Variants in ACO2 observed in about 807,000 individuals in gnomAD.
ACO2 encodes aconitase 2.
A neutral mutation model predicts 84.5 loss-of-function variants in ACO2; 31 were observed. The ratio of observed to expected loss-of-function variants is 0.37; its 90% CI spans 0.28 to 0.50. The LOEUF (loss-of-function observed/expected upper bound fraction) is 0.50, where lower values mean the gene tolerates loss of function less well. Among genes scored for constraint, ACO2 ranks in the 20% least tolerant of loss-of-function variants. ACO2 has a pLI of 0.97. For missense variants in ACO2, 685 were observed against 1,029.3 expected (o/e 0.67, Z 4.58); for synonymous variants, 414 against 412.7 (o/e 1.00, Z -0.04).
At chr22:41,516,688 T>C (rs1437610912) in intron 6 of ACO2, among the ~76,000 whole-genome samples, 1 of 152,178 alleles carries the variant, frequency 6.6e-6, no homozygotes, top group African/African-American at 2.4e-5. Flanking sequence ...TGTGACGCTT[T>C]GTGGTCCAGA....
chr22:41,477,004 CTG>C lies in ACO2; in HGVS notation c.36+7823_36+7824del, dbSNP rs374155363. Among the ~76,000 whole-genome samples the C allele has an allele frequency of 2.1e-3, 320 of 151,682 alleles. 10 individuals are homozygous for C. The South Asian group carries it at 0.065, about 31-fold the overall frequency. On this transcript the variant is annotated intron_variant, in intron 1 of 17. Transcript: ENST00000216254. ...TCTCTACTAAAATACAAAAAATTAA[CTG>C]GGCATGGTGGCGTGTACCTGTAATC...
chr22:41,497,714 C>T (rs188247331), intron 1 of ACO2, among the ~76,000 whole-genome samples: 1 of 152,178 alleles, frequency 6.6e-6, no homozygotes, highest in Non-Finnish European at 1.5e-5. Flanking sequence ...GAAACTGCAT[C>T]TCTACTAAAA....
In ACO2 at chr22:41,508,057, G is replaced by A. The variant is rs11705367; in HGVS notation, c.432+8G>A. The stretch of plus-strand genomic sequence containing the variant: ...GACCTGCGCCGGGCCAAGGTGAGCA[G>A]AAGGTGGCTTTGGGGGTGGGCAAGT... On this transcript the variant is annotated splice_region_variant and intron_variant, in intron 3 of 17. Transcript: ENST00000216254. The A allele has an allele frequency of 1.2e-6, 2 of 1,604,078 alleles. No individual in the cohort carries two copies. Among genetic ancestry groups the A allele is most frequent in the South Asian group, 2.2e-5 (2 of 90,630 alleles).
At chr22:41,493,719 A>G (rs1233302455) in intron 1 of ACO2, among the ~76,000 whole-genome samples, 2 of 152,078 alleles carry the variant, frequency 1.3e-5, no homozygotes, top group East Asian at 3.8e-4. Flanking sequence ...AGATGTGAGG[A>G]TCTCTTGAGT....
In ACO2 at chr22:41,507,887, G is replaced by T; in HGVS notation, c.270G>T (p.Arg90=). 6.2e-7 allele frequency: 1 copy of T among 1,614,260 alleles called. No individual in the cohort carries two copies. The highest frequency in any genetic ancestry group is 1.1e-5 in the South Asian group (1 of 91,084). The change falls in exon 3 of 18, where the codon CGG becomes CGT. Residue 90 remains arginine, a synonymous_variant. Transcript: ENST00000216254. ...QEIERGKSYL[R]LRPDRVAMQD... is the part of the protein sequence containing the mutation. Reference sequence around the variant, plus strand: ...TTGAGCGAGGCAAGTCGTACCTGCGGCTGCGGCCGGACCGTGTGGCCATGC... The same window carrying T: ...TTGAGCGAGGCAAGTCGTACCTGCGTCTGCGGCCGGACCGTGTGGCCATGC...
intron 2 of ACO2, among the ~76,000 whole-genome samples, chr22:41,504,904 T>G (rs2066381908): frequency 6.6e-6 from 1 of 151,662 alleles, no homozygotes; most frequent in Non-Finnish European, 1.5e-5. Flanking sequence ...TTATGTTTTT[T>G]GTACAGGTGG....
At chr22:41,499,067 C>G (rs555122012) in intron 1 of ACO2, among the ~76,000 whole-genome samples, 1 of 150,638 alleles carries the variant, frequency 6.6e-6, no homozygotes, top group Non-Finnish European at 1.5e-5. Context: ...ACTGCACTCC[C>G]ACCTGGGCGG....
At position 41,508,042 on chromosome 22, in the gene ACO2, G is replaced by A. The variant is rs863223879; in HGVS notation, c.425G>A (p.Arg142Gln). ...AQVGGEKDLR[R>Q]AKDINQEVYN... ...GTTGGGGGCGAGAAAGACCTGCGCC[G>A]GGCCAAGGTGAGCAGAAGGTGGCTT... Residue 142 changes from arginine to glutamine, a missense_variant, in exon 3 of 18, where the codon CGG (arginine) becomes CAG (glutamine). Arg to Gln is a conservative substitution (Grantham distance 43). Around this residue, in one of 5 missense-constraint regions of ACO2, gnomAD observed 92 missense variants for 203.7 expected, o/e 0.45. Coordinates refer to ENST00000216254, the MANE Select transcript of ACO2 (RefSeq NM_001098.3). 7.5e-6 allele frequency: 12 copies of A among 1,608,484 alleles called. No individual in the cohort carries two copies. Among genetic ancestry groups the A allele is most frequent in the East Asian group, 2.2e-5 (1 of 44,708 alleles).
chr22:41,521,234 T>C (rs1384569301), intron 9 of ACO2: 2 of 152,222 alleles, frequency 1.3e-5, no homozygotes, highest in Non-Finnish European at 2.9e-5. Context: ...TGCATAGATT[T>C]TCCCGTTTTA....
rs149591441 is a variant in ACO2, at chr22:41,499,904, C to T, written c.173+42C>T. The T allele has an allele frequency of 4.7e-4, 750 of 1,604,574 alleles. 4 individuals are homozygous for T. The African/African-American group carries it at 4.9e-3, about 11-fold the overall frequency. On this transcript the variant is annotated intron_variant, in intron 2 of 17. Transcript: ENST00000216254. ...GAGGCTGTGACTGTCAAGGGCATTG[C>T]GTCTGCTGCCTGCCCGTCAGGCAGA...
chr22:41,526,721 AAGGGGGCC>A (rs2066605575), intron 15 of ACO2: 1 of 418,238 alleles, frequency 2.4e-6, no homozygotes, highest in Non-Finnish European at 4.3e-6. Context: ...AAAGACAAGG[AAGGGGGCC>A]GACTCAGGAA....
At position 41,527,346 on chromosome 22, in the gene ACO2, G is replaced by A. The variant is rs755024692; in HGVS notation, c.2012G>A (p.Arg671Gln). ...GAGAACTACGGCGAGGGCTCGAGCC[G>A]GGAGCATGCAGCTCTGGAGCCTCGC... is the stretch of plus-strand genomic sequence containing the variant. Reference protein sequence around the residue: ...GDENYGEGSSREHAALEPRHL... With the variant: ...GDENYGEGSSQEHAALEPRHL... Residue 671 changes from arginine (R) to glutamine (Q), a missense_variant, in exon 16 of 18, where the codon CGG (arginine) becomes CAG (glutamine). Physicochemically the swap from Arg to Gln is conservative, Grantham distance 43. This residue lies in a region of ACO2 where 174 missense variants were observed against 236.6 expected (regional missense o/e 0.74). Coordinates refer to ENST00000216254, the MANE Select transcript of ACO2 (RefSeq NM_001098.3). 5.0e-6 allele frequency: 8 copies of A among 1,614,042 alleles called. No individual in the cohort carries two copies. Among genetic ancestry groups the A allele is most frequent in the African/African-American group, 1.3e-5 (1 of 74,934 alleles).
rs148503240 is a variant in ACO2, at chr22:41,488,215, A to G, written c.37-11511A>G. ...CCCATGGTGGTGTTCCCAGTGTCCA[A>G]TGTGGTACAACTAGGCATCCCTCAG... On this transcript the variant is annotated intron_variant, in intron 1 of 17. Coordinates refer to ENST00000216254, the MANE Select transcript of ACO2 (RefSeq NM_001098.3). 1.4e-4 allele frequency among the ~76,000 whole-genome samples: 21 copies of G among 152,280 alleles called. No homozygotes were observed. The South Asian group carries it at 1.5e-3, about 11-fold the overall frequency.
intron 8 of ACO2, among the ~76,000 whole-genome samples, chr22:41,519,700 C>T (rs886469439): frequency 2.0e-5 from 3 of 151,152 alleles, no homozygotes; most frequent in Non-Finnish European, 4.4e-5. Context: ...CCCAGCTACT[C>T]GGGAGGCTGA....
At position 41,528,015 on chromosome 22, in the gene ACO2, C is replaced by G. The variant is rs964305597; in HGVS notation, c.2201C>G (p.Pro734Arg). 1 of 1,614,074 alleles carries G rather than the reference C, an allele frequency of 6.2e-7. No homozygotes were observed. The highest frequency in any genetic ancestry group is 8.5e-7 in the Non-Finnish European group (1 of 1,180,038). ...LTIQGLKDFTPGKPLKCIIKH... is the reference protein window; with the variant it reads ...LTIQGLKDFTRGKPLKCIIKH... ...ATTCAGGGCCTGAAGGACTTCACCC[C>G]TGGCAAGGTTAGGGGCCCGGGTCCC... The change falls in exon 17 of 18, where the codon CCT (proline) becomes CGT (arginine). Residue 734 changes from proline to arginine, a missense_variant. Pro to Arg is a moderately radical substitution (Grantham distance 103). Coordinates refer to ENST00000216254, the MANE Select transcript of ACO2 (RefSeq NM_001098.3).
intron 4 of ACO2, among the ~76,000 whole-genome samples, chr22:41,514,974 C>T (rs553872780): frequency 4.6e-5 from 7 of 152,322 alleles, no homozygotes; most frequent in South Asian, 2.1e-4. Flanking sequence ...CCACCAACCC[C>T]GATGAGAAGC....
Position 41,499,048 on chromosome 22 carries a change from G to C in ACO2, c.37-678G>C, listed in dbSNP as rs115803967. On this transcript the variant is annotated intron_variant, in intron 1 of 17. Coordinates refer to ENST00000216254, the MANE Select transcript of ACO2 (RefSeq NM_001098.3). ...GGAGGCGGCGGTATCAGTGAGCCGA[G>C]ATCCCACCACTGCACTCCCACCTGG... Among the ~76,000 whole-genome samples the C allele has an allele frequency of 3.5e-4, 52 of 147,802 alleles. 5 individuals carry two copies. The highest frequency in any genetic ancestry group is 1.5e-3 in the Admixed American group (22 of 14,616).
chr22:41,495,626 C>CTTT (rs5845503), intron 1 of ACO2, among the ~76,000 whole-genome samples: 2 of 146,022 alleles, frequency 1.4e-5, no homozygotes, highest in Non-Finnish European at 3.0e-5. Context: ...ATTTTTATTT[C>CTTT]TTTTTTTTTT....
intron 17 of ACO2, 51 bp downstream of exon 17, chr22:41,528,073 G>C (rs568556386): frequency 6.2e-7 from 1 of 1,612,412 alleles, no homozygotes. Flanking sequence ...CAGCCACCTT[G>C]TTTCCCCTCC....
Sources: allele counts gnomAD v4.1 joint callset (sites outside exome capture counted in the v4.1 genomes callset), GRCh38; gene constraint gnomAD v4.1.1; regional missense constraint gnomAD v4.1.1; transcripts MANE v1.5; gene names NCBI Gene and HGNC (gene_info 2026-07-23, HGNC 2026-07-21).